Variants in PDZRN3 observed in about 807,000 individuals in gnomAD.
PDZRN3 encodes the protein PDZ domain containing ring finger 3.
A neutral mutation model predicts 85.7 loss-of-function variants in PDZRN3; 38 were observed. That is an observed-to-expected ratio of 0.44 (90% CI 0.34 to 0.58). PDZRN3 has a LOEUF of 0.58. Among genes scored for constraint, PDZRN3 ranks in the 20% least tolerant of loss-of-function variants. The pLI, the probability that PDZRN3 is intolerant of heterozygous loss-of-function variation, is 0.01. For missense variants in PDZRN3, 1,629 were observed against 1,506.4 expected, an observed-to-expected ratio of 1.08 and a Z score of -1.35; for synonymous variants, 759 against 638.0, an observed-to-expected ratio of 1.19 and a Z score of -2.86.
At position 73,611,979 on chromosome 3, in the gene PDZRN3, G is replaced by A. The variant is rs557447315; in HGVS notation, c.724-3295C>T. Among the ~76,000 whole-genome samples, 21 of 152,250 alleles carry A rather than the reference G, an allele frequency of 1.4e-4. No homozygotes were observed. The South Asian group carries it at 3.7e-3, about 27-fold the overall frequency. ...TGGGATAAGGGCAAAGGCTCTTATCGAAGCTGCTTTCCCGACTGTTCACAG... is the reference window on the plus strand; with the variant it reads ...TGGGATAAGGGCAAAGGCTCTTATCAAAGCTGCTTTCCCGACTGTTCACAG... On this transcript the variant is annotated intron_variant, in intron 1 of 9. Transcript: ENST00000263666.
intron 3 of PDZRN3, among the ~76,000 whole-genome samples, chr3:73,430,772 T>C (rs1420826897): frequency 6.6e-6 from 1 of 152,198 alleles, no homozygotes; most frequent in Non-Finnish European, 1.5e-5. Context: ...CCCTATCCCA[T>C]TACTCCCAGA....
rs754522969 is a variant in PDZRN3, at chr3:73,383,533, G to A, written c.3033C>T (p.Asp1011=). The A allele has an allele frequency of 6.2e-6, 10 of 1,614,076 alleles. No homozygotes were observed. Among genetic ancestry groups the A allele is most frequent in the Non-Finnish European group, 8.5e-6 (10 of 1,180,014 alleles). The change falls in exon 10 of 10, where the codon GAC becomes GAT. Residue 1011 remains aspartate (D), a synonymous_variant. Coordinates refer to ENST00000263666, the MANE Select transcript of PDZRN3 (RefSeq NM_015009.3). The part of the protein sequence containing the change: ...DCLKEQQAAD[D]RKEMNILELS... Reference sequence around the variant, plus strand: ...GTTCGAGAATGTTCATCTCCTTCCTGTCATCGGCTGCTTGCTGCTCCTTGA... The same window carrying A: ...GTTCGAGAATGTTCATCTCCTTCCTATCATCGGCTGCTTGCTGCTCCTTGA...
chr3:73,393,139 C>A (rs970308114), intron 5 of PDZRN3, among the ~76,000 whole-genome samples: 4 of 152,086 alleles, frequency 2.6e-5, no homozygotes, highest in African/African-American at 4.8e-5. Flanking sequence ...CCCAGTGCTA[C>A]CCCTGCAGGA....
chr3:73,552,566 C>T (rs1444316250), intron 3 of PDZRN3, among the ~76,000 whole-genome samples: 1 of 152,146 alleles, frequency 6.6e-6, no homozygotes, highest in Non-Finnish European at 1.5e-5. Context: ...TGTGTGTCCA[C>T]AGTAGCTTTC....
intron 3 of PDZRN3, among the ~76,000 whole-genome samples, chr3:73,471,313 T>A (rs1283912825): frequency 7.9e-5 from 12 of 152,126 alleles, no homozygotes; most frequent in Non-Finnish European, 1.2e-4. Flanking sequence ...CCCCCCAGGT[T>A]TCACAAGGAA....
intron 3 of PDZRN3, among the ~76,000 whole-genome samples, chr3:73,583,794 A>C (rs1702234961): frequency 6.6e-6 from 1 of 152,092 alleles, no homozygotes; most frequent in Admixed American, 6.6e-5. Flanking sequence ...GACTGATCCC[A>C]CCTTAGACTC....
At chr3:73,398,801 A>G (rs1162011634) in intron 5 of PDZRN3, among the ~76,000 whole-genome samples, 3 of 152,338 alleles carry the variant, frequency 2.0e-5, no homozygotes, top group Middle Eastern at 3.4e-3. Flanking sequence ...GCTTGTGTCC[A>G]CTGTATTTAA....
chr3:73,435,548 T>A (rs1384128789), intron 3 of PDZRN3, among the ~76,000 whole-genome samples: 2 of 152,140 alleles, frequency 1.3e-5, no homozygotes, highest in African/African-American at 4.8e-5. Flanking sequence ...CAAAAGCAGC[T>A]CTAATAAAAA....
At chr3:73,386,226 C>CTTTTTTT (rs71126867) in intron 8 of PDZRN3, among the ~76,000 whole-genome samples, 15,875 of 89,004 alleles carry the variant, frequency 0.18, 3,305 homozygotes, top group Non-Finnish European at 0.21. Context: ...CAAGATATCA[C>CTTTTTTT]TTTTTTTTTT....
intron 3 of PDZRN3, among the ~76,000 whole-genome samples, chr3:73,449,553 T>C (rs1403359759): frequency 1.3e-5 from 2 of 152,226 alleles, no homozygotes; most frequent in Non-Finnish European, 2.9e-5. Flanking sequence ...CAAATAATTA[T>C]TTTGCTTCTT....
chr3:73,400,887 T>C, intron 5 of PDZRN3, 35 bp downstream of exon 5: 1 of 1,413,668 alleles, frequency 7.1e-7, no homozygotes, highest in African/African-American at 1.4e-5. Context: ...TTCTTAATAA[T>C]GACTCCTAAA....
intron 3 of PDZRN3, among the ~76,000 whole-genome samples, chr3:73,523,656 A>G (rs1013892703): frequency 1.8e-4 from 27 of 152,220 alleles, no homozygotes; most frequent in Admixed American, 1.6e-3. Flanking sequence ...ATGATCACAA[A>G]AACAGAACAG....
At chr3:73,489,279 T>C (rs1439998695) in intron 3 of PDZRN3, among the ~76,000 whole-genome samples, 2 of 152,196 alleles carry the variant, frequency 1.3e-5, no homozygotes, top group African/African-American at 4.8e-5. Flanking sequence ...AAAAGCTTTA[T>C]ATTTTCATAT....
Position 73,529,299 on chromosome 3 carries a change from C to T in PDZRN3, c.918+73055G>A, listed in dbSNP as rs114756527. On this transcript the variant is annotated intron_variant, in intron 3 of 9. Transcript: ENST00000263666. ...CAAGTGTTTGGTGCCGGCACCCTTG[C>T]CACTGGCCATGTGCTTGTCCCAAGG... Among the ~76,000 whole-genome samples the T allele has an allele frequency of 1.9e-3, 286 of 152,310 alleles. 1 individual carries two copies. The highest frequency in any genetic ancestry group is 6.5e-3 in the African/African-American group (270 of 41,566).
At chr3:73,603,938 G>T (rs1702556295) in intron 2 of PDZRN3, among the ~76,000 whole-genome samples, 1 of 149,948 alleles carries the variant, frequency 6.7e-6, no homozygotes, top group African/African-American at 2.5e-5. Flanking sequence ...TTCACCAAAA[G>T]AAACCAAAAT....
intron 3 of PDZRN3, among the ~76,000 whole-genome samples, chr3:73,421,621 A>C (rs1034793192): frequency 2.0e-5 from 3 of 152,190 alleles, no homozygotes; most frequent in Non-Finnish European, 2.9e-5. Flanking sequence ...TCACCTTGAT[A>C]CCTCAATTTA....
chr3:73,445,711 G>A (rs765156318), intron 3 of PDZRN3, among the ~76,000 whole-genome samples: 2 of 152,136 alleles, frequency 1.3e-5, no homozygotes, highest in East Asian at 3.9e-4. Flanking sequence ...CTTGAGAGCC[G>A]GGTAAGAACT....
chr3:73,439,083 G>A (rs1702584733), intron 3 of PDZRN3, among the ~76,000 whole-genome samples: 1 of 152,122 alleles, frequency 6.6e-6, no homozygotes, highest in Non-Finnish European at 1.5e-5. Flanking sequence ...CGATTCACAC[G>A]GATGGTCACT....
At chr3:73,478,809 T>C (rs943242907) in intron 3 of PDZRN3, among the ~76,000 whole-genome samples, 1 of 152,214 alleles carries the variant, frequency 6.6e-6, no homozygotes, top group African/African-American at 2.4e-5. Flanking sequence ...TGTTGCTTTT[T>C]TCTTCACTGC....
Sources: allele counts gnomAD v4.1 joint callset (sites outside exome capture counted in the v4.1 genomes callset), GRCh38; gene constraint gnomAD v4.1.1; transcripts MANE v1.5; gene names NCBI Gene and HGNC (gene_info 2026-07-23, HGNC 2026-07-21).